SBF2: variants seen among roughly 807,000 people sequenced by gnomAD.
SBF2 encodes the protein myotubularin-related protein 13.
Under a neutral mutation model 225.2 loss-of-function variants are expected in SBF2, and 112 were observed. The ratio of observed to expected loss-of-function variants is 0.50; its 90% CI spans 0.43 to 0.58. The LOEUF (loss-of-function observed/expected upper bound fraction) is 0.58, where lower values mean the gene tolerates loss of function less well. Among genes scored for constraint, SBF2 ranks in the 20% least tolerant of loss-of-function variants. The pLI, the probability that SBF2 is intolerant of heterozygous loss-of-function variation, is 0.00. For synonymous variants in SBF2, 763 were observed against 773.3 expected (o/e 0.99, Z 0.22); for missense variants, 1,996 against 2,206.2 (o/e 0.90, Z 1.91).
At chr11:10,004,059 T>C (rs549820470) in intron 6 of SBF2, among the ~76,000 whole-genome samples, 21 of 152,332 alleles carry the variant, frequency 1.4e-4, no homozygotes, top group African/African-American at 4.8e-4. Context: ...TCCCATGTGA[T>C]ACATCAGAAT....
chr11:10,191,300 C>T (rs998592726), intron 2 of SBF2, among the ~76,000 whole-genome samples: 3 of 152,112 alleles, frequency 2.0e-5, no homozygotes, highest in African/African-American at 7.2e-5. Context: ...TACTCAAGAT[C>T]ACATAAGGCA....
chr11:10,155,665 C>G (rs1481607260), intron 2 of SBF2, among the ~76,000 whole-genome samples: 1 of 152,024 alleles, frequency 6.6e-6, no homozygotes, highest in Non-Finnish European at 1.5e-5. Context: ...GTATTTCTGA[C>G]AATTTTCAAC....
At chr11:9,943,001 AAG>A (rs1865371284) in intron 16 of SBF2, among the ~76,000 whole-genome samples, 1 of 151,502 alleles carries the variant, frequency 6.6e-6, no homozygotes, top group African/African-American at 2.4e-5. Context: ...GAAAGAAAGA[AAG>A]AAAGAAAGAG....
chr11:9,830,927 C>A (rs554955384), intron 27 of SBF2, among the ~76,000 whole-genome samples: 1 of 152,104 alleles, frequency 6.6e-6, no homozygotes. Context: ...CTTAGTGATA[C>A]GCTTATCGGT....
intron 2 of SBF2, among the ~76,000 whole-genome samples, chr11:10,115,453 C>T (rs1277990256): frequency 6.6e-6 from 1 of 152,068 alleles, no homozygotes; most frequent in African/African-American, 2.4e-5. Context: ...TTTACTAATC[C>T]CATTTGAGAC....
intron 2 of SBF2, among the ~76,000 whole-genome samples, chr11:10,094,958 T>TTA (rs1382503211): frequency 1.3e-5 from 2 of 151,702 alleles, no homozygotes; most frequent in Non-Finnish European, 2.9e-5. Context: ...ACAGCATAGG[T>TTA]TATGGCCAGC....
At chr11:10,280,748 T>C (rs1328999498) in intron 1 of SBF2, among the ~76,000 whole-genome samples, 1 of 151,546 alleles carries the variant, frequency 6.6e-6, no homozygotes, top group Non-Finnish European at 1.5e-5. Context: ...TACAGCATGG[T>C]GTACTGCAGT....
At chr11:9,886,913 A>G (rs891961231) in intron 17 of SBF2, among the ~76,000 whole-genome samples, 5 of 152,144 alleles carry the variant, frequency 3.3e-5, no homozygotes, top group Non-Finnish European at 7.4e-5. Context: ...TTGTTTGACT[A>G]ATCTATCTTC....
chr11:10,231,165 T>A (rs1958825912), intron 1 of SBF2, among the ~76,000 whole-genome samples: 1 of 152,184 alleles, frequency 6.6e-6, no homozygotes, highest in Non-Finnish European at 1.5e-5. Flanking sequence ...CTCCATCAGG[T>A]CCTTTAAGGA....
At chr11:10,252,322 C>G (rs1960433653) in intron 1 of SBF2, among the ~76,000 whole-genome samples, 2 of 152,206 alleles carry the variant, frequency 1.3e-5, no homozygotes, top group African/African-American at 4.8e-5. Context: ...CCAAATATGG[C>G]CTGAGAAGGA....
intron 16 of SBF2, among the ~76,000 whole-genome samples, chr11:9,903,808 C>T (rs1393173763): frequency 2.6e-5 from 4 of 152,140 alleles, no homozygotes; most frequent in South Asian, 2.1e-4. Flanking sequence ...GTTGTATGCA[C>T]GCCCATCTGT....
intron 1 of SBF2, among the ~76,000 whole-genome samples, chr11:10,214,698 G>A (rs1958065086): frequency 1.3e-5 from 2 of 152,122 alleles, no homozygotes; most frequent in Non-Finnish European, 2.9e-5. Flanking sequence ...TCATCAATCA[G>A]TTTAGCAAAG....
chr11:10,170,584 T>A (rs28860511), intron 2 of SBF2, among the ~76,000 whole-genome samples: 1 of 152,028 alleles, frequency 6.6e-6, no homozygotes, highest in East Asian at 1.9e-4. Flanking sequence ...TTTTTAATTT[T>A]ATTTTTATTT....
chr11:10,301,402 G>A (rs1964598183), intron 1 of SBF2, among the ~76,000 whole-genome samples: 1 of 152,124 alleles, frequency 6.6e-6, no homozygotes, highest in African/African-American at 2.4e-5. Flanking sequence ...CCTTGTAAGT[G>A]ATCAAATCCA....
At chr11:10,119,498 G>T (rs1451345150) in intron 2 of SBF2, among the ~76,000 whole-genome samples, 1 of 152,090 alleles carries the variant, frequency 6.6e-6, no homozygotes, top group Non-Finnish European at 1.5e-5. Flanking sequence ...GCCACTGCAA[G>T]GTCAAAAATA....
chr11:9,798,537 G>A (rs762248848), intron 32 of SBF2, among the ~76,000 whole-genome samples: 10 of 152,206 alleles, frequency 6.6e-5, no homozygotes, highest in Non-Finnish European at 1.5e-4. Context: ...CAGCCCTTGG[G>A]ATAAACCTTC....
intron 13 of SBF2, among the ~76,000 whole-genome samples, chr11:9,981,830 C>A (rs996021688): frequency 7.9e-5 from 12 of 152,116 alleles, no homozygotes; most frequent in African/African-American, 2.9e-4. Context: ...TTTCTGTCTT[C>A]CAGAATATTT....
intron 17 of SBF2, among the ~76,000 whole-genome samples, chr11:9,869,902 G>A (rs112157844): frequency 6.6e-6 from 1 of 152,144 alleles, no homozygotes; most frequent in African/African-American, 2.4e-5. Context: ...AGAAAGAGAG[G>A]AAGTCAAATT....
chr11:10,003,611 C>T (rs1158941513), intron 6 of SBF2, among the ~76,000 whole-genome samples: 1 of 152,102 alleles, frequency 6.6e-6, no homozygotes, highest in East Asian at 1.9e-4. Context: ...TGGTGATACA[C>T]CTGCCTCGGC....
Sources: gnomAD v4.1 joint callset for allele counts (sites outside exome capture counted in the v4.1 genomes callset) on GRCh38, gnomAD v4.1.1 for gene constraint, MANE v1.5 for transcripts, NCBI Gene and HGNC (gene_info 2026-07-23, HGNC 2026-07-21) for gene names.